The following LRRTM3 variants were observed in gnomAD, a reference collection of about 807,000 sequenced individuals.
The protein encoded by LRRTM3 is leucine-rich repeat transmembrane neuronal protein 3.
Under a neutral mutation model 44.7 loss-of-function variants are expected in LRRTM3, and 24 were observed. The observed-to-expected ratio is 0.54, with a 90% CI of 0.39 to 0.76. The LOEUF (loss-of-function observed/expected upper bound fraction) is 0.76, where lower values mean the gene tolerates loss of function less well. LRRTM3 is among the 30% of genes least tolerant of loss of function. The probability of loss-of-function intolerance (pLI) is 0.00; values close to 1 mark genes in which losing one functional copy is unlikely to be tolerated. For missense variants in LRRTM3, 587 were observed against 702.2 expected, an observed-to-expected ratio of 0.84 and a Z score of 1.85; for synonymous variants, 277 against 278.7, an observed-to-expected ratio of 0.99 and a Z score of 0.06.
At chr10:67,052,111 T>C (rs1855134942) in intron 2 of LRRTM3, among the ~76,000 whole-genome samples, 1 of 152,182 alleles carries the variant, frequency 6.6e-6, no homozygotes. Context: ...GAGTCTATTT[T>C]TCAGATAAAG....
intron 2 of LRRTM3, among the ~76,000 whole-genome samples, chr10:67,067,268 A>G (rs1422700237): frequency 1.3e-5 from 2 of 149,972 alleles, no homozygotes; most frequent in Non-Finnish European, 3.0e-5. Context: ...TATTAGAATC[A>G]TTTTATGACA....
chr10:67,085,822 T>C (rs1857279517), intron 2 of LRRTM3, among the ~76,000 whole-genome samples: 2 of 152,046 alleles, frequency 1.3e-5, no homozygotes, highest in South Asian at 4.1e-4. Context: ...CTTTATTCTC[T>C]ATTGAATTTA....
At chr10:66,970,150 T>C (rs993924893) in intron 2 of LRRTM3, among the ~76,000 whole-genome samples, 3 of 152,040 alleles carry the variant, frequency 2.0e-5, no homozygotes, top group Non-Finnish European at 2.9e-5. Flanking sequence ...CACACAAAAA[T>C]ACAGACACTT....
At chr10:67,073,101 T>C (rs1397210148) in intron 2 of LRRTM3, among the ~76,000 whole-genome samples, 2 of 152,198 alleles carry the variant, frequency 1.3e-5, no homozygotes, top group Non-Finnish European at 2.9e-5. Flanking sequence ...GGGAAATAAA[T>C]ACATGCATGC....
chr10:66,963,911 C>T lies in LRRTM3; in HGVS notation c.1536+35459C>T, dbSNP rs1054824174. Among the ~76,000 whole-genome samples the T allele has an allele frequency of 4.0e-5, 6 of 151,364 alleles. No individual in the cohort carries two copies. The East Asian group carries it at 9.8e-4, about 25-fold the overall frequency. Reference sequence around the variant, plus strand: ...AGGCTGGAGTGCAGTGGCGCAATCTCGGTTCACTGAAACCTCCAACTCCCT... The same window carrying T: ...AGGCTGGAGTGCAGTGGCGCAATCTTGGTTCACTGAAACCTCCAACTCCCT... On this transcript the variant is annotated intron_variant, in intron 2 of 2. Coordinates refer to ENST00000361320, the MANE Select transcript of LRRTM3 (RefSeq NM_178011.5).
intron 2 of LRRTM3, among the ~76,000 whole-genome samples, chr10:66,996,673 C>CAAAAAAAAAAAAA (rs1851371155): frequency 2.9e-5 from 2 of 69,084 alleles, no homozygotes; most frequent in Non-Finnish European, 2.9e-5. Context: ...AAAAAAAAAG[C>CAAAAAAAAAAAAA]ATGTTTGTGT....
intron 2 of LRRTM3, among the ~76,000 whole-genome samples, chr10:66,929,945 G>A (rs950186676): frequency 6.6e-6 from 1 of 152,142 alleles, no homozygotes; most frequent in Non-Finnish European, 1.5e-5. Flanking sequence ...CAACATTGAG[G>A]CTGTTTCATT....
rs1299999155 is a variant in LRRTM3 at position 66,957,404 on chromosome 10, A to G, written c.1536+28952A>G. ...TGTGTATATATATACATATATATAT[A>G]TATATATATGCATATATATATATGC... On this transcript the variant is annotated intron_variant, in intron 2 of 2. Transcript: ENST00000361320. Among the ~76,000 whole-genome samples the G allele has an allele frequency of 5.2e-4, 17 of 32,850 alleles. No homozygotes were observed. In the East Asian group the frequency reaches 7.6e-3, roughly 15 times the overall value. The allele number at this position is 32,850 out of a possible 152,430, so 21.6% of individuals were successfully genotyped here.
intron 2 of LRRTM3, among the ~76,000 whole-genome samples, chr10:67,049,845 T>C (rs1042532225): frequency 3.3e-5 from 5 of 152,218 alleles, no homozygotes; most frequent in African/African-American, 9.6e-5. Flanking sequence ...ATTACAAATA[T>C]AGTAATATAT....
intron 2 of LRRTM3, among the ~76,000 whole-genome samples, chr10:66,985,831 G>A (rs771985135): frequency 2.4e-4 from 36 of 152,144 alleles, no homozygotes; most frequent in Admixed American, 5.9e-4. Flanking sequence ...GGGTTCAAGC[G>A]ATTCTCATGC....
intron 2 of LRRTM3, among the ~76,000 whole-genome samples, chr10:67,086,094 A>T (rs1857293241): frequency 6.6e-6 from 1 of 152,034 alleles, no homozygotes; most frequent in Non-Finnish European, 1.5e-5. Context: ...GATGGATATG[A>T]TATGGACAGA....
At chr10:67,027,553 G>T (rs1017343046) in intron 2 of LRRTM3, among the ~76,000 whole-genome samples, 3 of 150,714 alleles carry the variant, frequency 2.0e-5, no homozygotes, top group Non-Finnish European at 4.4e-5. Context: ...TCCTGCCTCA[G>T]CCTTCCGAGT....
At chr10:67,029,915 C>T (rs1041091567) in intron 2 of LRRTM3, among the ~76,000 whole-genome samples, 10 of 152,216 alleles carry the variant, frequency 6.6e-5, no homozygotes, top group East Asian at 1.9e-4. Context: ...AGATATAGAA[C>T]AGCCCCATGG....
chr10:67,091,972 G>A (rs1857670522), intron 2 of LRRTM3, among the ~76,000 whole-genome samples: 1 of 151,956 alleles, frequency 6.6e-6, no homozygotes. Context: ...TTATATGTTA[G>A]TAGGTAGAAA....
intron 2 of LRRTM3, among the ~76,000 whole-genome samples, chr10:67,003,475 G>A (rs895711263): frequency 5.3e-5 from 8 of 152,082 alleles, no homozygotes; most frequent in Non-Finnish European, 1.2e-4. Context: ...TTCCAAGATC[G>A]AATACTTTTG....
chr10:66,941,923 A>C (rs949757204), intron 2 of LRRTM3, among the ~76,000 whole-genome samples: 6 of 152,208 alleles, frequency 3.9e-5, no homozygotes, highest in African/African-American at 1.4e-4. Flanking sequence ...TTTTCAAATT[A>C]AGTCTGTTCG....
chr10:67,008,941 T>C (rs1160025941), intron 2 of LRRTM3, among the ~76,000 whole-genome samples: 2 of 152,200 alleles, frequency 1.3e-5, no homozygotes, highest in Non-Finnish European at 1.5e-5. Flanking sequence ...TGAATTTATA[T>C]TTAAAAGATA....
At chr10:67,029,965 C>T (rs1417877926) in intron 2 of LRRTM3, among the ~76,000 whole-genome samples, 1 of 152,238 alleles carries the variant, frequency 6.6e-6, no homozygotes, top group Non-Finnish European at 1.5e-5. Context: ...CCTATCCAAA[C>T]ATATTCCAAA....
chr10:67,084,590 A>G lies in LRRTM3; in HGVS notation c.1537-12997A>G, dbSNP rs370755999. 1.1e-3 allele frequency among the ~76,000 whole-genome samples: 173 copies of G among 152,064 alleles called. 5 individuals carry two copies. The South Asian group carries it at 0.014, about 13-fold the overall frequency. On this transcript the variant is annotated intron_variant, in intron 2 of 2. Coordinates refer to ENST00000361320, the MANE Select transcript of LRRTM3 (RefSeq NM_178011.5). ...GATCCTACATTAGATTTCCTTAACC[A>G]TATATTTTTACAAGATTCATGATCA...
Sources: gnomAD v4.1 joint callset for allele counts (sites outside exome capture counted in the v4.1 genomes callset) on GRCh38, gnomAD v4.1.1 for gene constraint, MANE v1.5 for transcripts, NCBI Gene and HGNC (gene_info 2026-07-23, HGNC 2026-07-21) for gene names.